The following PLAC1 variants were observed in gnomAD, a reference collection of about 807,000 sequenced individuals.
PLAC1 encodes the protein placenta-specific protein 1.
For missense variants in PLAC1, 136 were observed against 163.2 expected, an observed-to-expected ratio of 0.83 and a Z score of 0.91; for synonymous variants, 68 against 62.1, an observed-to-expected ratio of 1.09 and a Z score of -0.44.
At chrX:134,687,829 T>C (rs1215365130) in intron 2 of PLAC1, among the ~76,000 whole-genome samples, 2 of 22,884 alleles carry the variant, frequency 8.7e-5, no homozygotes, top group African/African-American at 2.4e-4. Context: ...TATATATATA[T>C]ATATATATAT....
chrX:134,568,809 T>C (rs1048980497), intron 2 of PLAC1, among the ~76,000 whole-genome samples: 1 of 111,813 alleles, frequency 8.9e-6, no homozygotes, highest in African/African-American at 3.3e-5. Context: ...AACCACCTGC[T>C]CTGGAATACT....
intron 2 of PLAC1, among the ~76,000 whole-genome samples, chrX:134,573,381 C>T (rs1486955420): frequency 9.0e-6 from 1 of 111,561 alleles, no homozygotes; most frequent in East Asian, 2.8e-4. Flanking sequence ...CCCAGAGTCC[C>T]TTCTCATTTT....
At chrX:134,687,154 G>GA (rs765952412) in intron 2 of PLAC1, among the ~76,000 whole-genome samples, 1 of 111,307 alleles carries the variant, frequency 9.0e-6, no homozygotes, top group Non-Finnish European at 1.9e-5. Context: ...AAATGCCCAA[G>GA]AAAAAAATGT....
intron 1 of PLAC1, among the ~76,000 whole-genome samples, chrX:134,617,711 A>G (rs1333017085): frequency 8.9e-6 from 1 of 112,007 alleles, no homozygotes; most frequent in Non-Finnish European, 1.9e-5. Flanking sequence ...TTTTTGATGC[A>G]TTGTCATGGA....
intron 1 of PLAC1, among the ~76,000 whole-genome samples, chrX:134,654,591 C>T (rs1372498061): frequency 8.9e-6 from 1 of 111,924 alleles, no homozygotes; most frequent in African/African-American, 3.2e-5. Context: ...GAGTCCTAGC[C>T]CAGGCCCCTC....
intron 1 of PLAC1, among the ~76,000 whole-genome samples, chrX:134,759,794 T>C (rs2078765469): frequency 8.9e-6 from 1 of 112,265 alleles, no homozygotes; most frequent in South Asian, 3.7e-4. Context: ...AAGTCATATC[T>C]TAAGTGAAAT....
At chrX:134,646,263 A>G (rs2078333037) in intron 1 of PLAC1, among the ~76,000 whole-genome samples, 1 of 111,782 alleles carries the variant, frequency 8.9e-6, no homozygotes, top group African/African-American at 3.3e-5. Context: ...TGGTTGTAAG[A>G]CTTGCTTTCC....
intron 1 of PLAC1, among the ~76,000 whole-genome samples, chrX:134,603,272 TATATA>T (rs2078098083): frequency 2.2e-3 from 5 of 2,289 alleles, no homozygotes; most frequent in African/African-American, 6.7e-3. Context: ...CTGTATTTTA[TATATA>T]TATATATATA....
intron 1 of PLAC1, among the ~76,000 whole-genome samples, chrX:134,637,720 T>A (rs781482662): frequency 9.0e-6 from 1 of 111,490 alleles, no homozygotes; most frequent in East Asian, 2.8e-4. Context: ...TGGTGACACA[T>A]GCCTGTAATC....
intron 2 of PLAC1, among the ~76,000 whole-genome samples, chrX:134,684,994 A>G (rs2078511388): frequency 8.9e-6 from 1 of 112,324 alleles, no homozygotes. Context: ...AAGGTGGTAA[A>G]GGAGAATAAA....
At chrX:134,642,051 A>C (rs1455115173) in intron 1 of PLAC1, among the ~76,000 whole-genome samples, 1 of 111,979 alleles carries the variant, frequency 8.9e-6, no homozygotes, top group Non-Finnish European at 1.9e-5. Context: ...GCTGCTTTGA[A>C]ATAAAGAAGC....
chrX:134,601,551 A>T (rs975916726), intron 2 of PLAC1: 6 of 112,231 alleles, frequency 5.3e-5, no homozygotes, highest in Non-Finnish European at 1.1e-4. Context: ...GATCATTTCA[A>T]TTCAAATGGC....
At chrX:134,705,737 T>C (rs2078602680) in intron 2 of PLAC1, among the ~76,000 whole-genome samples, 1 of 111,762 alleles carries the variant, frequency 8.9e-6, no homozygotes, top group African/African-American at 3.2e-5. Flanking sequence ...GTTAACAACA[T>C]AGTATATATA....
intron 2 of PLAC1, among the ~76,000 whole-genome samples, chrX:134,688,121 CCTT>C (rs1229110228): frequency 1.8e-5 from 2 of 109,321 alleles, no homozygotes; most frequent in African/African-American, 3.3e-5. Flanking sequence ...CTCCCACAGT[CCTT>C]CTCTCTGTAA....
chrX:134,647,840 C>T (rs1212522769), intron 1 of PLAC1, among the ~76,000 whole-genome samples: 2 of 111,433 alleles, frequency 1.8e-5, no homozygotes, highest in East Asian at 2.8e-4. Flanking sequence ...CAGGGGAAGA[C>T]GAACCAAACA....
At chrX:134,658,599 T>C (rs1017265771), upstream of PLAC1, 10 of 112,597 alleles carry the variant, frequency 8.9e-5, no homozygotes, top group African/African-American at 3.2e-4. Context: ...CAGAATAATA[T>C]GTGGCCTCTG....
intron 2 of PLAC1, among the ~76,000 whole-genome samples, chrX:134,686,826 C>T (rs1414466670): frequency 9.0e-6 from 1 of 111,062 alleles, no homozygotes; most frequent in Non-Finnish European, 1.9e-5. Context: ...GTCTCTTGTC[C>T]TGTTTCTTCT....
At chrX:134,607,302 G>C (rs112451183) in intron 1 of PLAC1, 2 of 148,063 alleles carry the variant, frequency 1.4e-5, no homozygotes, top group Non-Finnish European at 2.7e-5. Flanking sequence ...GTTCAGAAAG[G>C]AATACCCCAC....
intron 2 of PLAC1, among the ~76,000 whole-genome samples, chrX:134,712,703 G>A (rs926608271): frequency 9.0e-6 from 1 of 111,236 alleles, no homozygotes; most frequent in Non-Finnish European, 1.9e-5. Context: ...CTGAAAAGCC[G>A]TATCTACCCA....
Sources: allele counts gnomAD v4.1 joint callset (sites outside exome capture counted in the v4.1 genomes callset), GRCh38; gene constraint gnomAD v4.1.1; transcripts MANE v1.5; gene names NCBI Gene and HGNC (gene_info 2026-07-23, HGNC 2026-07-21).